Variants in ALMS1 observed in about 807,000 individuals in gnomAD.
The protein encoded by ALMS1 is ALMS1 centrosome and basal body associated protein.
Under a neutral mutation model 352.2 loss-of-function variants are expected in ALMS1, and 271 were observed. The observed-to-expected ratio is 0.77, with a 90% CI of 0.70 to 0.85. The LOEUF is 0.85. Among genes scored for constraint, ALMS1 ranks in the 40% least tolerant of loss-of-function variants. ALMS1 has a pLI of 0.00. For synonymous variants in ALMS1, 1,865 were observed against 1,761.2 expected (o/e 1.06, Z -1.48); for missense variants, 5,445 against 4,870.7 (o/e 1.12, Z -3.51).
At chr2:73,464,600 G>A (rs1056434296) in intron 9 of ALMS1, among the ~76,000 whole-genome samples, 10 of 152,086 alleles carry the variant, frequency 6.6e-5, no homozygotes, top group South Asian at 4.2e-4. Context: ...GGCCAGGGCA[G>A]TTAGGCAGGA....
intron 12 of ALMS1, among the ~76,000 whole-genome samples, chr2:73,537,187 A>G (rs1430944903): frequency 6.6e-6 from 1 of 152,244 alleles, no homozygotes; most frequent in African/African-American, 2.4e-5. Context: ...TTTTAATATC[A>G]TAATGGCTGA....
chr2:73,536,300 G>C (rs942463010), intron 12 of ALMS1, among the ~76,000 whole-genome samples: 1 of 152,128 alleles, frequency 6.6e-6, no homozygotes, highest in East Asian at 1.9e-4. Flanking sequence ...ATCGATATAC[G>C]TCACTAACAC....
chr2:73,536,021 G>A (rs540666920), intron 12 of ALMS1, among the ~76,000 whole-genome samples: 19 of 151,828 alleles, frequency 1.3e-4, no homozygotes, highest in African/African-American at 4.6e-4. Context: ...CACAATGATG[G>A]CATTGAAAAA....
intron 7 of ALMS1, among the ~76,000 whole-genome samples, chr2:73,446,403 G>A (rs958641117): frequency 2.6e-5 from 4 of 152,144 alleles, no homozygotes; most frequent in Non-Finnish European, 4.4e-5. Flanking sequence ...TCTTGAGCCT[G>A]TTTTGTTTCC....
chr2:73,439,021 TTTTTTTCTTC>T (rs770910835), intron 7 of ALMS1, among the ~76,000 whole-genome samples: 14 of 151,870 alleles, frequency 9.2e-5, no homozygotes, highest in Admixed American at 1.3e-4. Context: ...CTCCTCCTCC[TTTTTTTCTTC>T]TTTTTTCTTC....
chr2:73,389,105 G>GT (rs1436764641), intron 1 of ALMS1, among the ~76,000 whole-genome samples: 1 of 152,098 alleles, frequency 6.6e-6, no homozygotes, highest in Non-Finnish European at 1.5e-5. Context: ...GCCAACATCT[G>GT]TTTTTTGACT....
intron 13 of ALMS1, among the ~76,000 whole-genome samples, chr2:73,556,330 A>T (rs1283051952): frequency 6.6e-6 from 1 of 152,152 alleles, no homozygotes; most frequent in East Asian, 1.9e-4. Context: ...ATTTTTAGCA[A>T]TCTCTATTGC....
At chr2:73,422,624 C>T (rs1220520978) in intron 3 of ALMS1, among the ~76,000 whole-genome samples, 3 of 152,020 alleles carry the variant, frequency 2.0e-5, no homozygotes, top group Non-Finnish European at 4.4e-5. Context: ...TATAATAATA[C>T]CTATCTTTCA....
chr2:73,488,304 G>GT (rs1672898999), intron 9 of ALMS1, among the ~76,000 whole-genome samples: 1 of 152,258 alleles, frequency 6.6e-6, no homozygotes, highest in South Asian at 2.1e-4. Flanking sequence ...GGGGGCTGGT[G>GT]TGACAGTGCT....
chr2:73,573,692 G>A (rs1277479931), intron 16 of ALMS1: 2 of 607,136 alleles, frequency 3.3e-6, no homozygotes, highest in African/African-American at 1.9e-5. Flanking sequence ...CTGAAATGGG[G>A]GAGCTTTGAG....
chr2:73,388,462 T>A (rs1212074248), intron 1 of ALMS1, among the ~76,000 whole-genome samples: 3 of 152,212 alleles, frequency 2.0e-5, no homozygotes, highest in Admixed American at 2.0e-4. Context: ...GCCCCCAGTG[T>A]CTGTTTATTT....
intron 1 of ALMS1, among the ~76,000 whole-genome samples, chr2:73,388,368 C>T (rs1272853746): frequency 2.0e-5 from 3 of 152,148 alleles, no homozygotes; most frequent in African/African-American, 7.2e-5. Flanking sequence ...GTGAACCTCT[C>T]ACCCAAATAA....
rs554616333 is a variant in ALMS1, at chr2:73,427,987, A to G, written c.1338+1434A>G. ...ACCTTTAGGTTCAGATTGTTGGTAG[A>G]AAATGAACAAAGATATTATGATGAA... On this transcript the variant is annotated intron_variant, in intron 6 of 22. Coordinates refer to ENST00000613296, the MANE Select transcript of ALMS1 (RefSeq NM_001378454.1). Among the ~76,000 whole-genome samples the G allele has an allele frequency of 1.3e-4, 20 of 152,348 alleles. No homozygotes were observed. In the South Asian group the frequency reaches 2.1e-3, roughly 16 times the overall value.
At chr2:73,396,088 C>T (rs1350640331) in intron 1 of ALMS1, among the ~76,000 whole-genome samples, 6 of 152,064 alleles carry the variant, frequency 3.9e-5, no homozygotes, top group African/African-American at 1.4e-4. Context: ...GTCTTTTACC[C>T]CCGAGTATGA....
chr2:73,518,627 G>A (rs1220507171), intron 10 of ALMS1, among the ~76,000 whole-genome samples: 4 of 151,914 alleles, frequency 2.6e-5, no homozygotes, highest in Non-Finnish European at 5.9e-5. Flanking sequence ...GACAGCATCT[G>A]TTATATTTTG....
chr2:73,395,078 A>ATTT (rs1163258474), intron 1 of ALMS1, among the ~76,000 whole-genome samples: 3 of 101,330 alleles, frequency 3.0e-5, no homozygotes, highest in Admixed American at 2.4e-4. Context: ...ATATATATAT[A>ATTT]TTTTTTTTTT....
chr2:73,542,241 C>A (rs1674200871), intron 12 of ALMS1, among the ~76,000 whole-genome samples: 1 of 152,026 alleles, frequency 6.6e-6, no homozygotes, highest in South Asian at 2.1e-4. Context: ...TGTAATCCAG[C>A]ATATAAACGG....
At position 73,563,722 on chromosome 2, in the gene ALMS1, C is replaced by CAAA. The variant is rs1170434973; in HGVS notation, c.10384+4596_10384+4598dup. On this transcript the variant is annotated intron_variant, in intron 15 of 22. Transcript: ENST00000613296. ...TGGGTGACAGAGCGAGACTCCATCT[C>CAAA]AAAAAAAAAAAAAAAAAATAAAAAT... Among the ~76,000 whole-genome samples the CAAA allele has an allele frequency of 1.7e-4, 9 of 52,198 alleles. 2 individuals are homozygous for CAAA. The highest frequency in any genetic ancestry group is 1.2e-3 in the African/African-American group (8 of 6,600). 34.2% of individuals were successfully genotyped at this position (52,198 alleles called of 152,430 possible).
chr2:73,545,737 TTTAAC>T (rs1205083214), intron 12 of ALMS1, among the ~76,000 whole-genome samples: 5 of 152,236 alleles, frequency 3.3e-5, no homozygotes, highest in Admixed American at 6.5e-5. Context: ...CATGCATGTA[TTTAAC>T]TTAAGCAAGT....
Sources: gnomAD v4.1 joint callset for allele counts (sites outside exome capture counted in the v4.1 genomes callset) on GRCh38, gnomAD v4.1.1 for gene constraint, MANE v1.5 for transcripts, NCBI Gene and HGNC (gene_info 2026-07-23, HGNC 2026-07-21) for gene names.